Variants in OTUD7A observed in about 807,000 individuals in gnomAD.
The protein encoded by OTUD7A is OTU deubiquitinase 7A.
A neutral mutation model predicts 65.7 loss-of-function variants in OTUD7A; 12 were observed. The ratio of observed to expected loss-of-function variants is 0.18; its 90% CI spans 0.12 to 0.30. The LOEUF is 0.30. Among genes scored for constraint, OTUD7A ranks in the 10% least tolerant of loss-of-function variants. OTUD7A has a pLI of 1.00. For synonymous variants in OTUD7A, 641 were observed against 586.3 expected (o/e 1.09, Z -1.35); for missense variants, 1,148 against 1,304.8 (o/e 0.88, Z 1.85).
At position 31,480,709 on chromosome 15, in the gene OTUD7A, C is replaced by A. The variant is rs6493689; in HGVS notation, c.*2585G>T. On this transcript the variant is annotated 3_prime_UTR_variant, in exon 13 of 13. Coordinates refer to ENST00000307050, the MANE Select transcript of OTUD7A (RefSeq NM_001382637.1). The stretch of plus-strand genomic sequence containing the variant: ...GACTAGCACATTTAATATGACCATC[C>A]GCTCTCTCCCTTTTGCATTTTTAAT... 1 of 152,114 alleles carries A rather than the reference C, an allele frequency of 6.6e-6. No individual in the cohort carries two copies. The highest frequency in any genetic ancestry group is 1.5e-5 in the Non-Finnish European group (1 of 68,030). 9.4% of individuals were successfully genotyped at this position (152,114 alleles called of 1,614,324 possible).
intron 1 of OTUD7A, among the ~76,000 whole-genome samples, chr15:31,785,458 G>T (rs1595767017): frequency 6.6e-6 from 1 of 152,228 alleles, no homozygotes; most frequent in East Asian, 1.9e-4. Context: ...AAGAGGAACA[G>T]CAAAAAGGTG....
chr15:31,815,683 A>G (rs1049313178), intron 1 of OTUD7A, among the ~76,000 whole-genome samples: 61 of 152,188 alleles, frequency 4.0e-4, no homozygotes, highest in Non-Finnish European at 1.5e-5. Context: ...TGGCGGCAGG[A>G]TGGAGCCAGG....
chr15:31,480,120 A>AT lies in OTUD7A; in HGVS notation c.*3173dup, dbSNP rs943820188. 2 of 152,198 alleles carry AT rather than the reference A, an allele frequency of 1.3e-5. No individual in the cohort carries two copies. Among genetic ancestry groups the AT allele is most frequent in the African/African-American group, 4.8e-5 (2 of 41,460 alleles). The allele number at this position is 152,198 out of a possible 1,614,324, so 9.4% of individuals were successfully genotyped here. A position where few individuals can be genotyped will look rare whatever the true frequency, so the allele number is the denominator to read the frequency against. On this transcript the variant is annotated 3_prime_UTR_variant, in exon 13 of 13. Transcript: ENST00000307050. ...CCTTCCAAGGGACAACCCTGTGGCA[A>AT]TAACGGGTGCAAAATATTGCTCTGT...
At chr15:31,691,494 A>G (rs2141318138) in intron 1 of OTUD7A, among the ~76,000 whole-genome samples, 1 of 152,390 alleles carries the variant, frequency 6.6e-6, no homozygotes, top group South Asian at 2.1e-4. Context: ...GGGAAAACAC[A>G]GTCTCTTTAA....
chr15:31,745,053 G>A (rs1595741224), intron 1 of OTUD7A, among the ~76,000 whole-genome samples: 1 of 152,080 alleles, frequency 6.6e-6, no homozygotes, highest in African/African-American at 2.4e-5. Flanking sequence ...CATTAAAGAA[G>A]ACCTTACAAA....
chr15:31,522,205 G>A (rs947533611), intron 8 of OTUD7A, among the ~76,000 whole-genome samples: 1 of 152,222 alleles, frequency 6.6e-6, no homozygotes, highest in Non-Finnish European at 1.5e-5. Context: ...TTGAATTGCT[G>A]GAGAGCAGAA....
intron 3 of OTUD7A, among the ~76,000 whole-genome samples, chr15:31,631,448 C>G (rs1053497315): frequency 6.6e-6 from 1 of 152,136 alleles, no homozygotes; most frequent in African/African-American, 2.4e-5. Flanking sequence ...GAGTTTCTGC[C>G]GTGAGATCAG....
intron 1 of OTUD7A, chr15:31,766,075 C>T (rs1262295759): frequency 2.7e-6 from 4 of 1,482,464 alleles, no homozygotes; most frequent in East Asian, 4.5e-5. Context: ...TCAATATGTC[C>T]CCTTTTTAAG....
At chr15:31,620,519 T>C (rs1890745727) in intron 3 of OTUD7A, among the ~76,000 whole-genome samples, 2 of 151,522 alleles carry the variant, frequency 1.3e-5, no homozygotes, top group South Asian at 4.2e-4. Flanking sequence ...TCCAGGAATT[T>C]ATCCATTTCT....
At chr15:31,562,822 G>A (rs997252969) in intron 4 of OTUD7A, among the ~76,000 whole-genome samples, 10 of 152,152 alleles carry the variant, frequency 6.6e-5, no homozygotes, top group African/African-American at 1.2e-4. Flanking sequence ...ATGAGTGAGC[G>A]TGGGGGTGTT....
In OTUD7A at chr15:31,625,222, C is replaced by T. The variant is rs367790267; in HGVS notation, c.151+29874G>A. Among the ~76,000 whole-genome samples the T allele has an allele frequency of 5.9e-5, 9 of 152,206 alleles. No homozygotes were observed. In the East Asian group the frequency reaches 1.4e-3, roughly 23 times the overall value. On this transcript the variant is annotated intron_variant, in intron 3 of 12. Coordinates refer to ENST00000307050, the MANE Select transcript of OTUD7A (RefSeq NM_001382637.1). ...TGGGGATGGAAGAAGGTCCTGCAGC[C>T]CCAGCTAGACTGTAGCCTCGAGAAG...
rs147486692 is a variant in OTUD7A at position 31,571,643 on chromosome 15, T to C, written c.152-1446A>G. Among the ~76,000 whole-genome samples, 836 of 152,334 alleles carry C rather than the reference T, an allele frequency of 5.5e-3. 7 individuals are homozygous for C. The highest frequency in any genetic ancestry group is 0.019 in the African/African-American group (788 of 41,576). ...AGAAAAGGAGATAGTGTTTGTAAAG[T>C]TCTTCCTTTATGGAAAGCACTAATA... On this transcript the variant is annotated intron_variant, in intron 3 of 12. Coordinates refer to ENST00000307050, the MANE Select transcript of OTUD7A (RefSeq NM_001382637.1).
intron 1 of OTUD7A, among the ~76,000 whole-genome samples, chr15:31,661,083 T>TA (rs1892150060): frequency 6.6e-6 from 1 of 152,252 alleles, no homozygotes; most frequent in African/African-American, 2.4e-5. Flanking sequence ...CTGGTGCCTT[T>TA]AAAATAAAAT....
At chr15:31,700,574 T>C (rs1004114134) in intron 1 of OTUD7A, among the ~76,000 whole-genome samples, 1 of 152,240 alleles carries the variant, frequency 6.6e-6, no homozygotes, top group African/African-American at 2.4e-5. Flanking sequence ...TTTCTCTGTA[T>C]CTCTCACTCC....
chr15:31,807,078 T>C (rs1277232736), intron 1 of OTUD7A, among the ~76,000 whole-genome samples: 2 of 152,256 alleles, frequency 1.3e-5, no homozygotes, highest in Non-Finnish European at 2.9e-5. Flanking sequence ...ATTCAATCTG[T>C]TCAATTCTCC....
At chr15:31,675,552 A>G (rs1892579132) in intron 1 of OTUD7A, among the ~76,000 whole-genome samples, 1 of 152,182 alleles carries the variant, frequency 6.6e-6, no homozygotes, top group Admixed American at 6.5e-5. Context: ...CTACTTATTA[A>G]ATGATATTGA....
rs1349464119 is a variant in OTUD7A at position 31,483,841 on chromosome 15, G to A, written c.2255C>T (p.Pro752Leu). Reference protein sequence around the residue: ...ARAAAGGTASPGGGARRASAS... With the variant: ...ARAAAGGTASLGGGARRASAS... Reference sequence around the variant, plus strand: ...GCTCGCACGCCGCGCGCCTCCCCCCGGGGAGGCCGTGCCGCCCGCCGCCGC... The same window carrying A: ...GCTCGCACGCCGCGCGCCTCCCCCCAGGGAGGCCGTGCCGCCCGCCGCCGC... The change falls in exon 13 of 13, where the codon CCG (proline) becomes CTG (leucine). Residue 752 changes from proline (P) to leucine (L), a missense_variant. Transcript: ENST00000307050. 3.0e-6 allele frequency: 3 copies of A among 984,384 alleles called. No homozygotes were observed. The highest frequency in any genetic ancestry group is 4.5e-5 in the South Asian group (1 of 21,988). The allele number at this position is 984,384 out of a possible 1,614,324, so 61.0% of individuals were successfully genotyped here.
At chr15:31,532,337 T>C (rs1009736088) in intron 5 of OTUD7A, among the ~76,000 whole-genome samples, 1 of 151,686 alleles carries the variant, frequency 6.6e-6, no homozygotes, top group Middle Eastern at 3.2e-3. Flanking sequence ...ACCAAAACAA[T>C]AGAAGATACA....
At chr15:31,578,373 C>T (rs896922325) in intron 3 of OTUD7A, among the ~76,000 whole-genome samples, 3 of 152,204 alleles carry the variant, frequency 2.0e-5, no homozygotes, top group African/African-American at 7.2e-5. Flanking sequence ...CTGAAGCCTG[C>T]TACCTGAAGG....
Sources: allele counts gnomAD v4.1 joint callset (sites outside exome capture counted in the v4.1 genomes callset), GRCh38; gene constraint gnomAD v4.1.1; transcripts MANE v1.5; gene names NCBI Gene and HGNC (gene_info 2026-07-23, HGNC 2026-07-21).